The following AIG1 variants were observed in gnomAD, a reference collection of about 807,000 sequenced individuals.
AIG1 encodes the protein androgen induced 1.
A neutral mutation model predicts 31.4 loss-of-function variants in AIG1; 23 were observed. The observed-to-expected ratio is 0.73, with a 90% CI of 0.53 to 1.04. The LOEUF is 1.04. Among genes scored for constraint, AIG1 ranks in the 50% least tolerant of loss-of-function variants. The pLI is 0.00. For synonymous variants in AIG1, 100 were observed against 110.5 expected (o/e 0.90, Z 0.60); for missense variants, 274 against 295.0 (o/e 0.93, Z 0.52).
intron 3 of AIG1, among the ~76,000 whole-genome samples, chr6:143,240,253 T>G (rs565846652): frequency 1.6e-4 from 25 of 152,220 alleles, no homozygotes; most frequent in African/African-American, 5.8e-4. Context: ...AAGGGTGAAA[T>G]GAGTATAGGT....
At chr6:143,114,655 A>G (rs115950175) in intron 1 of AIG1, among the ~76,000 whole-genome samples, 20 of 152,360 alleles carry the variant, frequency 1.3e-4, no homozygotes, top group African/African-American at 2.9e-4. Context: ...AAACTATTCA[A>G]TGGGTGTCAG....
Position 143,292,635 on chromosome 6 carries a change from T to C in AIG1, c.515+8410T>C, listed in dbSNP as rs905372856. ...TGTAGAATTCTCCGATGAATATGTGTTGTTTTAAGCCACAAGTCTGTGGCA... is the reference window on the plus strand; with the variant it reads ...TGTAGAATTCTCCGATGAATATGTGCTGTTTTAAGCCACAAGTCTGTGGCA... On this transcript the variant is annotated intron_variant, in intron 4 of 5. Transcript: ENST00000357847. The surrounding 1 kb of genome is among the most constrained non-coding windows in gnomAD (Gnocchi z 4.9). Among the ~76,000 whole-genome samples the C allele has an allele frequency of 8.5e-5, 13 of 152,220 alleles. No individual in the cohort carries two copies. The highest frequency in any genetic ancestry group is 1.3e-4 in the Admixed American group (2 of 15,282).
intron 3 of AIG1, among the ~76,000 whole-genome samples, chr6:143,209,385 A>G (rs891886363): frequency 6.6e-6 from 1 of 152,234 alleles, no homozygotes; most frequent in Non-Finnish European, 1.5e-5. Flanking sequence ...GATGAGATGC[A>G]AATTGCTAAT....
chr6:143,216,751 G>T (rs537476422), intron 3 of AIG1, among the ~76,000 whole-genome samples: 1 of 152,140 alleles, frequency 6.6e-6, no homozygotes, highest in African/African-American at 2.4e-5. Context: ...ATGTGGCTGC[G>T]TCCAGGTTTT....
intron 1 of AIG1, among the ~76,000 whole-genome samples, chr6:143,113,672 G>T (rs1055090434): frequency 2.0e-5 from 3 of 151,846 alleles, no homozygotes; most frequent in Admixed American, 6.6e-5. Flanking sequence ...TGTCCCTTAC[G>T]CTATGAAACT....
At chr6:143,198,448 A>C (rs1790433606) in intron 3 of AIG1, among the ~76,000 whole-genome samples, 1 of 152,250 alleles carries the variant, frequency 6.6e-6, no homozygotes, top group Non-Finnish European at 1.5e-5. Context: ...GGTGTTGGGA[A>C]TAGATGCTCT....
chr6:143,157,440 T>C (rs1314208253), intron 2 of AIG1, among the ~76,000 whole-genome samples: 1 of 138,414 alleles, frequency 7.2e-6, no homozygotes, highest in Non-Finnish European at 1.5e-5. Flanking sequence ...CTCTCTTCTT[T>C]TTTTTTTTTC....
At chr6:143,235,569 T>C (rs1051103417) in intron 3 of AIG1, among the ~76,000 whole-genome samples, 2 of 152,216 alleles carry the variant, frequency 1.3e-5, no homozygotes, top group East Asian at 3.9e-4. Flanking sequence ...CTCCCTGGCA[T>C]GCCATGTTCC....
At chr6:143,254,253 A>G (rs1795209507) in intron 3 of AIG1, among the ~76,000 whole-genome samples, 2 of 152,214 alleles carry the variant, frequency 1.3e-5, no homozygotes, top group Non-Finnish European at 2.9e-5. Flanking sequence ...GGTGTTAAAC[A>G]TGCTTGATTC....
chr6:143,314,312 C>T (rs1775555477), intron 4 of AIG1, among the ~76,000 whole-genome samples: 1 of 150,868 alleles, frequency 6.6e-6, no homozygotes, highest in African/African-American at 2.4e-5. Flanking sequence ...TATGATCCTA[C>T]TACTACACTC....
intron 3 of AIG1, among the ~76,000 whole-genome samples, chr6:143,262,829 T>G (rs1305972439): frequency 6.6e-6 from 1 of 152,208 alleles, no homozygotes; most frequent in Admixed American, 6.5e-5. Context: ...TCATGCATTT[T>G]ACACTTTTCT....
At chr6:143,237,139 T>C (rs918850842) in intron 3 of AIG1, among the ~76,000 whole-genome samples, 8 of 152,348 alleles carry the variant, frequency 5.3e-5, no homozygotes, top group Middle Eastern at 3.4e-3. Flanking sequence ...CACTCCTTGA[T>C]ATTAATAATC....
intron 1 of AIG1, among the ~76,000 whole-genome samples, chr6:143,117,361 G>C (rs1781826781): frequency 1.3e-5 from 2 of 152,192 alleles, no homozygotes; most frequent in Non-Finnish European, 2.9e-5. Context: ...CCACAACCCA[G>C]GGAGATGTGG....
At chr6:143,342,938 TCTC>T, downstream of AIG1, 1 of 946,346 alleles carries the variant, frequency 1.1e-6, no homozygotes, top group Non-Finnish European at 1.8e-6. Flanking sequence ...TTGTGGAGCT[TCTC>T]CTTCAGTATA....
rs148245094 is a variant in AIG1, at chr6:143,297,213, A to G, written c.515+12988A>G. Among the ~76,000 whole-genome samples, 24 of 152,242 alleles carry G rather than the reference A, an allele frequency of 1.6e-4. No homozygotes were observed. Among genetic ancestry groups the G allele is most frequent in the African/African-American group, 5.5e-4 (23 of 41,554 alleles). On this transcript the variant is annotated intron_variant, in intron 4 of 5. Coordinates refer to ENST00000357847, the MANE Select transcript of AIG1 (RefSeq NM_016108.4). The surrounding 1 kb of genome is among the most constrained non-coding windows in gnomAD (Gnocchi z 5.1). ...GGGTGAATAAGAGTTAGCTTTGTGA[A>G]GGTCCAGGATAAAAGTGTCCCAGGC...
intron 3 of AIG1, among the ~76,000 whole-genome samples, chr6:143,214,185 C>T (rs989281546): frequency 6.6e-6 from 1 of 152,176 alleles, no homozygotes; most frequent in Non-Finnish European, 1.5e-5. Flanking sequence ...TATGTTACTG[C>T]CAAAACATGC....
rs147125266 is a variant in AIG1, at chr6:143,084,442, G to C, written c.141+23376G>C. On this transcript the variant is annotated intron_variant, in intron 1 of 5. Transcript: ENST00000357847. ...CCCTGTTCCAGAGCCTCCAAAGTCT[G>C]CTTGCCTGAGGGCCATGACTAAAGC... 5.9e-3 allele frequency among the ~76,000 whole-genome samples: 905 copies of C among 152,284 alleles called. 7 individuals carry two copies. The highest frequency in any genetic ancestry group is 0.021 in the African/African-American group (874 of 41,556).
chr6:143,290,122 G>C (rs959104759), intron 4 of AIG1, among the ~76,000 whole-genome samples: 7 of 152,078 alleles, frequency 4.6e-5, no homozygotes, highest in African/African-American at 1.7e-4. Flanking sequence ...ATATGTATGG[G>C]TCTGCAGCAA....
At chr6:143,244,035 G>A (rs1794444260) in intron 3 of AIG1, among the ~76,000 whole-genome samples, 1 of 152,224 alleles carries the variant, frequency 6.6e-6, no homozygotes, top group African/African-American at 2.4e-5. Context: ...ATCAGCACTA[G>A]TAACGCAAAG....
Sources: gnomAD v4.1 joint callset for allele counts (sites outside exome capture counted in the v4.1 genomes callset) on GRCh38, gnomAD v4.1.1 for gene constraint, Gnocchi (gnomAD v3.1) non-coding constraint, MANE v1.5 for transcripts, NCBI Gene and HGNC (gene_info 2026-07-23, HGNC 2026-07-21) for gene names.